AKAP19: variants seen among roughly 807,000 people sequenced by gnomAD.
AKAP19 encodes the protein small A-kinase anchoring protein.
chr2:190,029,341 C>T, the AKAP19 span, among the ~76,000 whole-genome samples: 20 of 152,038 alleles, frequency 1.3e-4, no homozygotes, highest in South Asian at 2.5e-3. Context: ...CATGAGGCAC[C>T]GCGCCCAGCC....
At chr2:190,069,136 ATGTGTGTGTGTGTGTGTG>A in the AKAP19 span, among the ~76,000 whole-genome samples, 1 of 127,674 alleles carries the variant, frequency 7.8e-6, no homozygotes, top group Non-Finnish European at 1.6e-5. Flanking sequence ...GTGCATGCAT[ATGTGTGTGTGTGTGTGTG>A]TGTGTGTGTG....
At chr2:190,034,086 A>C in the AKAP19 span, among the ~76,000 whole-genome samples, 1 of 138,792 alleles carries the variant, frequency 7.2e-6, no homozygotes, top group African/African-American at 2.7e-5. Flanking sequence ...AAGTATAATA[A>C]AAAAAATTAT....
chr2:190,177,293 T>A, the AKAP19 span, among the ~76,000 whole-genome samples: 1 of 152,194 alleles, frequency 6.6e-6, no homozygotes, highest in South Asian at 2.1e-4. The surrounding 1 kb of genome is among the most constrained non-coding windows in gnomAD (Gnocchi z 4.6). Context: ...TCTTTATAAA[T>A]CTTTTCTGTG....
the AKAP19 span, among the ~76,000 whole-genome samples, chr2:189,932,787 T>G: frequency 5.8e-3 from 877 of 152,242 alleles, 4 homozygotes; most frequent in Non-Finnish European, 9.6e-3. Context: ...AGTGAGAGCC[T>G]TTCCAGCAGG....
the AKAP19 span, among the ~76,000 whole-genome samples, chr2:189,975,878 A>G: frequency 2.0e-5 from 3 of 152,132 alleles, no homozygotes; most frequent in Non-Finnish European, 4.4e-5. Flanking sequence ...CTAGTTAGCC[A>G]TTCGTCTAAT....
the AKAP19 span, among the ~76,000 whole-genome samples, chr2:190,088,389 T>C: frequency 1.3e-5 from 2 of 152,164 alleles, no homozygotes; most frequent in African/African-American, 4.8e-5. Flanking sequence ...AAAATCCCAG[T>C]ATAAGGTCCT....
chr2:189,907,796 A>G, the AKAP19 span, among the ~76,000 whole-genome samples: 1 of 152,036 alleles, frequency 6.6e-6, no homozygotes, highest in Non-Finnish European at 1.5e-5. Context: ...AATACATTAC[A>G]GTTATTCTCT....
chr2:190,098,959 C>T, the AKAP19 span, among the ~76,000 whole-genome samples: 2 of 152,208 alleles, frequency 1.3e-5, no homozygotes, highest in African/African-American at 4.8e-5. Flanking sequence ...TCATCTCTCT[C>T]AGCTTTCACA....
At chr2:189,970,927 T>C in the AKAP19 span, among the ~76,000 whole-genome samples, 2 of 152,248 alleles carry the variant, frequency 1.3e-5, no homozygotes, top group Non-Finnish European at 2.9e-5. Context: ...TTTTGATTAC[T>C]TATGAGGTTG....
At chr2:190,123,076 C>T in the AKAP19 span, among the ~76,000 whole-genome samples, 8 of 152,112 alleles carry the variant, frequency 5.3e-5, no homozygotes, top group South Asian at 1.7e-3. Flanking sequence ...CCTCCCAAAG[C>T]ACTGGGATTA....
At chr2:190,194,748 T>C in the AKAP19 span, among the ~76,000 whole-genome samples, 2 of 152,128 alleles carry the variant, frequency 1.3e-5, no homozygotes, top group Non-Finnish European at 2.9e-5. Flanking sequence ...TCCAGAGTCT[T>C]GCCATTTCTA....
At chr2:190,198,631 CAAAAAAAA>C in the AKAP19 span, among the ~76,000 whole-genome samples, 56 of 70,594 alleles carry the variant, frequency 7.9e-4, 1 homozygote, top group Non-Finnish European at 5.5e-4. Flanking sequence ...GACCCTGTCT[CAAAAAAAA>C]AAAAAAAAAA....
the AKAP19 span, among the ~76,000 whole-genome samples, chr2:189,995,069 C>G: frequency 2.8e-4 from 43 of 152,248 alleles, no homozygotes; most frequent in South Asian, 2.1e-3. Flanking sequence ...GAGAATGTTC[C>G]AGTTTCTGCT....
At chr2:189,926,585 CTTT>C in the AKAP19 span, among the ~76,000 whole-genome samples, 271 of 72,390 alleles carry the variant, frequency 3.7e-3, 1 homozygote, top group African/African-American at 0.011. Context: ...CGCGCCCGGC[CTTT>C]TTTTTTTTTT....
At chr2:189,934,535 C>A in the AKAP19 span, among the ~76,000 whole-genome samples, 15 of 151,890 alleles carry the variant, frequency 9.9e-5, no homozygotes, top group Middle Eastern at 3.2e-3. Context: ...TACATTATGA[C>A]CTGTAGGTTC....
the AKAP19 span, among the ~76,000 whole-genome samples, chr2:190,118,176 G>A: frequency 2.6e-5 from 4 of 152,078 alleles, no homozygotes; most frequent in African/African-American, 9.7e-5. Flanking sequence ...GGAAAAAGTT[G>A]AATCTCTTAC....
chr2:189,912,330 C>T, the AKAP19 span, among the ~76,000 whole-genome samples: 4 of 152,036 alleles, frequency 2.6e-5, no homozygotes, highest in South Asian at 8.3e-4. Flanking sequence ...CACTTGAGGC[C>T]AGGAGTTCGA....
the AKAP19 span, among the ~76,000 whole-genome samples, chr2:189,941,784 TCAA>T: frequency 6.6e-6 from 1 of 151,894 alleles, no homozygotes; most frequent in Non-Finnish European, 1.5e-5. Context: ...AATGAGAAAA[TCAA>T]CAACAAATTG....
At chr2:190,146,991 G>C in the AKAP19 span, among the ~76,000 whole-genome samples, 2 of 152,178 alleles carry the variant, frequency 1.3e-5, no homozygotes, top group Non-Finnish European at 2.9e-5. Flanking sequence ...GCGTGCAAAA[G>C]CTCTTTAGTT....
Sources: allele counts gnomAD v4.1 joint callset (sites outside exome capture counted in the v4.1 genomes callset), GRCh38; gene constraint gnomAD v4.1.1; non-coding constraint Gnocchi (gnomAD v3.1); transcripts MANE v1.5; gene names NCBI Gene and HGNC (gene_info 2026-07-23, HGNC 2026-07-21).